The following RGS4 variants were observed in gnomAD, a reference collection of about 807,000 sequenced individuals.
The protein encoded by RGS4 is schizophrenia disorder 9.
A neutral mutation model predicts 21.6 loss-of-function variants in RGS4; 15 were observed. The observed-to-expected ratio is 0.69, with a 90% confidence interval of 0.46 to 1.07. The LOEUF is 1.07. Among genes scored for constraint, RGS4 ranks in the 50% least tolerant of loss-of-function variants. RGS4 has a pLI of 0.00. For missense variants in RGS4, 237 were observed against 239.0 expected (o/e 0.99, Z 0.06); for synonymous variants, 94 against 85.5 (o/e 1.10, Z -0.55).
chr1:163,071,860 C>CT (rs1655318875), intron 1 of RGS4: 1 of 25,436 alleles, frequency 3.9e-5, no homozygotes, highest in African/African-American at 1.2e-4. Flanking sequence ...TGCTTGCCCC[C>CT]CCCCCCCCCC....
At chr1:163,070,904 C>A (rs539451000) in intron 1 of RGS4, among the ~76,000 whole-genome samples, 1 of 152,240 alleles carries the variant, frequency 6.6e-6, no homozygotes, top group East Asian at 1.9e-4. Context: ...CCAGAGGAGC[C>A]ATTGCCTTCT....
chr1:163,069,833 G>A (rs928178105), intron 1 of RGS4, among the ~76,000 whole-genome samples: 2 of 152,108 alleles, frequency 1.3e-5, no homozygotes, highest in Non-Finnish European at 2.9e-5. Flanking sequence ...TATGTACAGT[G>A]ATCTGTAATA....
At chr1:163,071,068 T>C (rs1271427925) in intron 1 of RGS4, among the ~76,000 whole-genome samples, 1 of 152,150 alleles carries the variant, frequency 6.6e-6, no homozygotes, top group Non-Finnish European at 1.5e-5. Flanking sequence ...AACTCTAGGA[T>C]CTCAGGTGGA....
chr1:163,069,339 A>G, upstream of RGS4: 1 of 1,552,890 alleles, frequency 6.4e-7, no homozygotes, highest in East Asian at 2.4e-5. Flanking sequence ...GCTATAAAAG[A>G]GACCCCTACA....
At chr1:163,073,131 C>T (rs2102344137) in intron 3 of RGS4, among the ~76,000 whole-genome samples, 1 of 152,276 alleles carries the variant, frequency 6.6e-6, no homozygotes, top group South Asian at 2.1e-4. Context: ...TGATAAATAT[C>T]AATACCTTCT....
Position 163,074,479 on chromosome 1 carries a change from C to A in RGS4, c.537C>A (p.Asn179Lys). The A allele has an allele frequency of 6.2e-7, 1 of 1,613,896 alleles. No individual in the cohort carries two copies. The highest frequency in any genetic ancestry group is 1.1e-5 in the South Asian group (1 of 91,082). Residue 179 changes from asparagine (N) to lysine (K), a missense_variant, in exon 5 of 5, where the codon AAC becomes AAA. Physicochemically the swap from Asn to Lys is moderately conservative, Grantham distance 94. Transcript: ENST00000367909. Reference protein sequence around the residue: ...LKSRFYLDLVNPSSCGAEKQK... With the variant: ...LKSRFYLDLVKPSSCGAEKQK... ...CTCGATTCTATCTTGATTTGGTCAACCCGTCCAGCTGTGGGGCAGAAAAGC... is the reference window on the plus strand; with the variant it reads ...CTCGATTCTATCTTGATTTGGTCAAACCGTCCAGCTGTGGGGCAGAAAAGC...
chr1:163,072,113 CGGG>C (rs1655337230), intron 1 of RGS4: 1 of 1,112,150 alleles, frequency 9.0e-7, no homozygotes, highest in Non-Finnish European at 1.1e-6. Context: ...GTCAAAATGA[CGGG>C]CATATAAAGG....
At chr1:163,070,906 T>C (rs1006415057) in intron 1 of RGS4, among the ~76,000 whole-genome samples, 5 of 152,166 alleles carry the variant, frequency 3.3e-5, no homozygotes, top group Admixed American at 6.6e-5. Context: ...AGAGGAGCCA[T>C]TGCCTTCTCA....
At position 163,075,958 on chromosome 1, in the gene RGS4, GA is replaced by G. The variant is rs67187358; in HGVS notation, c.*1408del. On this transcript the variant is annotated 3_prime_UTR_variant, in exon 5 of 5. Coordinates refer to ENST00000367909, the MANE Select transcript of RGS4 (RefSeq NM_005613.6). ...GAGACTAAATGAGAGGAAAAGAAAA[GA>G]AAAAAAAAATGATTGTCTAACCAAT... 133,621 of 151,592 alleles carry G rather than the reference GA, an allele frequency of 0.88. 61,220 individuals carry two copies. Among genetic ancestry groups the G allele is most frequent in the Non-Finnish European group, 1 (67,686 of 67,846 alleles). The allele number at this position is 151,592 out of a possible 1,614,324, so 9.4% of individuals were successfully genotyped here. A position where few individuals can be genotyped will look rare whatever the true frequency, so the allele number is the denominator to read the frequency against.
intron 1 of RGS4, chr1:163,071,855 G>GCCGCCC (rs1557859054): frequency 1.1e-3 from 2 of 1,814 alleles, no homozygotes; most frequent in African/African-American, 2.5e-3. Context: ...GGAACTGCTT[G>GCCGCCC]CCCCCCCCCC....
chr1:163,071,041 C>T (rs1194630605), intron 1 of RGS4, among the ~76,000 whole-genome samples: 1 of 151,996 alleles, frequency 6.6e-6, no homozygotes, highest in Admixed American at 6.6e-5. Context: ...GCACACTTAC[C>T]CCCTGCATTG....
In RGS4 at chr1:163,074,966, G is replaced by C. The variant is rs902045364; in HGVS notation, c.*406G>C. On this transcript the variant is annotated 3_prime_UTR_variant, in exon 5 of 5. Transcript: ENST00000367909. ...CCAGCACGTTCTCCAGACTCTAGAT[G>C]TTTAGATGAGGTTGAGCTATGATAT... 3 of 488,222 alleles carry C rather than the reference G, an allele frequency of 6.1e-6. No individual in the cohort carries two copies. Among genetic ancestry groups the C allele is most frequent in the African/African-American group, 5.8e-5 (3 of 51,714 alleles). 30.2% of individuals were successfully genotyped at this position (488,222 alleles called of 1,614,324 possible).
chr1:163,069,414 C>T lies in RGS4; in HGVS notation c.-71C>T, dbSNP rs774297235. 5.6e-6 allele frequency: 9 copies of T among 1,608,234 alleles called. No individual in the cohort carries two copies. The highest frequency in any genetic ancestry group is 7.6e-6 in the Non-Finnish European group (9 of 1,177,030). On this transcript the variant is annotated 5_prime_UTR_variant, in exon 1 of 5. Coordinates refer to ENST00000367909, the MANE Select transcript of RGS4 (RefSeq NM_005613.6). Reference sequence around the variant, plus strand: ...TTTACCGGAGAAGAGGCAAAGTACGCTCAAAGCCGAAGCCACAGCTCCTCC... The same window carrying T: ...TTTACCGGAGAAGAGGCAAAGTACGTTCAAAGCCGAAGCCACAGCTCCTCC...
rs1466153386 is a variant in RGS4 at position 163,072,470 on chromosome 1, C to G, written c.120C>G (p.Asn40Lys). 1.2e-6 allele frequency: 2 copies of G among 1,612,762 alleles called. No homozygotes were observed. The highest frequency in any genetic ancestry group is 1.7e-6 in the Non-Finnish European group (2 of 1,179,188). ...CCTGTGAACACAATTCTTCCCACAA[C>G]AAGAAGGACAAAGTGGTTATTTGCC... is the stretch of plus-strand genomic sequence containing the variant. ...SDSCEHNSSH[N>K]KKDKVVICQR... is the part of the protein sequence containing the mutation. The change falls in exon 2 of 5, where the codon AAC becomes AAG. Residue 40 changes from asparagine to lysine, a missense_variant. By Grantham distance (94) the Asn-to-Lys change is moderately conservative. Transcript: ENST00000367909.
rs998964591 is a variant in RGS4 at position 163,074,231 on chromosome 1, C to T, written c.379-90C>T. On this transcript the variant is annotated intron_variant, in intron 4 of 4. Coordinates refer to ENST00000367909, the MANE Select transcript of RGS4 (RefSeq NM_005613.6). ...TTTTGCTTCTGAAATACAGAGGGTG[C>T]ACTGCCACTTACAAGTCACTACAAA... 3.3e-6 allele frequency: 5 copies of T among 1,528,768 alleles called. No homozygotes were observed. In the African/African-American group the frequency reaches 5.5e-5, roughly 17 times the overall value. 94.7% of individuals were successfully genotyped at this position (1,528,768 alleles called of 1,614,324 possible).
chr1:163,071,563 A>C (rs1655302306), intron 1 of RGS4, among the ~76,000 whole-genome samples: 1 of 151,634 alleles, frequency 6.6e-6, no homozygotes, highest in Non-Finnish European at 1.5e-5. Flanking sequence ...AGGAGCTCTA[A>C]TGTGCCCTGG....
At chr1:163,072,197 T>G in intron 1 of RGS4, 198 bp from the exon 2 acceptor site, 1 of 1,012,804 alleles carries the variant, frequency 9.9e-7, no homozygotes, top group Non-Finnish European at 1.3e-6. Flanking sequence ...GTGTTATGAC[T>G]GCCTCAAGGT....
upstream of RGS4, chr1:163,069,348 C>A (rs758812138): frequency 3.0e-5 from 46 of 1,554,712 alleles, no homozygotes; most frequent in Non-Finnish European, 3.8e-5. Context: ...GAGACCCCTA[C>A]AGGCTTAGCA....
rs777130164 is a variant in RGS4, at chr1:163,073,540, A to G, written c.296A>G (p.Lys99Arg). The G allele has an allele frequency of 3.7e-6, 6 of 1,612,316 alleles. No homozygotes were observed. In the East Asian group the frequency reaches 6.7e-5, roughly 18 times the overall value. ...TTCTGGATCAGCTGTGAAGAGTACA[A>G]GAAAATCAAATCACCATCTAAACTA... is the stretch of plus-strand genomic sequence containing the variant. ...IDFWISCEEY[K>R]KIKSPSKLSP... Residue 99 changes from lysine to arginine, a missense_variant, in exon 4 of 5, where the codon AAG (lysine) becomes AGG (arginine). Lys to Arg is a conservative substitution (Grantham distance 26). Transcript: ENST00000367909.
Sources: allele counts gnomAD v4.1 joint callset (sites outside exome capture counted in the v4.1 genomes callset), GRCh38; gene constraint gnomAD v4.1.1; transcripts MANE v1.5; gene names NCBI Gene and HGNC (gene_info 2026-07-23, HGNC 2026-07-21).